Variants in MEGF6 observed in about 807,000 individuals in gnomAD.
MEGF6 encodes multiple EGF like domains 6, also known as multiple epidermal growth factor-like domains protein 6.
Under a neutral mutation model 207.1 loss-of-function variants are expected in MEGF6, and 184 were observed. The observed-to-expected ratio is 0.89, with a 90% CI of 0.79 to 1.00. The LOEUF (loss-of-function observed/expected upper bound fraction) is 1.00, where lower values mean the gene tolerates loss of function less well. MEGF6 is among the 50% of genes least tolerant of loss of function. The probability of loss-of-function intolerance (pLI) is 0.00; values close to 1 mark genes in which losing one functional copy is unlikely to be tolerated. For synonymous variants in MEGF6, 1,038 were observed against 910.0 expected (o/e 1.14, Z -2.53); for missense variants, 2,282 against 2,202.9 (o/e 1.04, Z -0.72).
In MEGF6 at chr1:3,499,172, A is replaced by G; in HGVS notation, c.3060T>C (p.Cys1020=). The change falls in exon 24 of 37, where the codon TGT becomes TGC. Residue 1020 remains cysteine (C), a synonymous_variant. Coordinates refer to ENST00000356575, the MANE Select transcript of MEGF6 (RefSeq NM_001409.4). ...AGGAGGGCCCCATCCAGCCAGGGGC[A>G]CAGTGGCACTGCCCGTGGACAGGGT... ...SCDPVHGQCH[C]APGWMGPSCL... The G allele has an allele frequency of 6.2e-7, 1 of 1,604,584 alleles. No homozygotes were observed. Among genetic ancestry groups the G allele is most frequent in the Non-Finnish European group, 8.5e-7 (1 of 1,176,896 alleles).
At chr1:3,505,393 C>A in intron 16 of MEGF6, 29 bp downstream of exon 16, 2 of 1,599,482 alleles carry the variant, frequency 1.3e-6, no homozygotes, top group African/African-American at 1.3e-5. Context: ...CTGGCGCCCC[C>A]CGCCCCCAGA....
chr1:3,523,079 G>GT (rs1183055863), intron 5 of MEGF6, among the ~76,000 whole-genome samples: 4 of 151,586 alleles, frequency 2.6e-5, no homozygotes, highest in East Asian at 3.9e-4. Context: ...TGTGCCGGGG[G>GT]GGGGGCCCCA....
At chr1:3,511,899 C>G in intron 8 of MEGF6, 107 bp downstream of exon 8, 1 of 1,545,078 alleles carries the variant, frequency 6.5e-7, no homozygotes, top group African/African-American at 1.4e-5. Context: ...AGGGCTGCCC[C>G]TGATTGACAA....
intron 4 of MEGF6, among the ~76,000 whole-genome samples, chr1:3,559,522 TAAAAAAAAAAAAA>T (rs59799522): frequency 2.8e-5 from 3 of 105,530 alleles, no homozygotes; most frequent in Admixed American, 1.1e-4. Flanking sequence ...CCTTGTCTCT[TAAAAAAAAAAAAA>T]AAAAAAAAAA....
chr1:3,609,703 C>T (rs1557434584), intron 1 of MEGF6, among the ~76,000 whole-genome samples: 3 of 152,196 alleles, frequency 2.0e-5, no homozygotes, highest in East Asian at 1.9e-4. Context: ...CCCAGGGTCA[C>T]GAAGGACCTC....
intron 2 of MEGF6, 39 bp downstream of exon 2, chr1:3,602,427 G>C (rs1353320167): frequency 6.2e-7 from 1 of 1,612,372 alleles, no homozygotes; most frequent in African/African-American, 1.3e-5. Context: ...CCCTTTGTGT[G>C]AATGGAGCCC....
intron 28 of MEGF6, 101 bp downstream of exon 28, chr1:3,496,887 C>A: frequency 6.6e-7 from 1 of 1,519,756 alleles, no homozygotes; most frequent in Non-Finnish European, 8.9e-7. Flanking sequence ...CCTCCATCTT[C>A]CACCCCCTCA....
intron 2 of MEGF6, among the ~76,000 whole-genome samples, chr1:3,598,728 CCCCG>C (rs1644112735): frequency 6.5e-5 from 9 of 139,040 alleles, no homozygotes; most frequent in South Asian, 2.3e-4. Context: ...CCCCCCCCCC[CCCCG>C]GGGCCCACTC....
At chr1:3,497,534 C>A in intron 26 of MEGF6, 173 bp from the exon 27 acceptor site, 2 of 947,338 alleles carry the variant, frequency 2.1e-6, no homozygotes, top group South Asian at 3.0e-5. Flanking sequence ...AGGGCAGAGG[C>A]AGGCCCCGGT....
chr1:3,565,264 C>T lies in MEGF6; in HGVS notation c.481+14561G>A, dbSNP rs747427434. 2.6e-5 allele frequency among the ~76,000 whole-genome samples: 4 copies of T among 152,008 alleles called. No homozygotes were observed. The highest frequency in any genetic ancestry group is 3.9e-4 in the East Asian group (2 of 5,166). On this transcript the variant is annotated intron_variant, in intron 4 of 36. Transcript: ENST00000356575. The surrounding 1 kb of genome is among the most constrained non-coding windows in gnomAD (Gnocchi z 4.8). ...CCTCCTTGTTTATCAGACATGGCACCGAGATGGCATCAGCAGTGGGTGAGA... is the reference window on the plus strand; with the variant it reads ...CCTCCTTGTTTATCAGACATGGCACTGAGATGGCATCAGCAGTGGGTGAGA...
intron 4 of MEGF6, among the ~76,000 whole-genome samples, chr1:3,526,504 T>C (rs1317362462): frequency 6.6e-6 from 1 of 151,628 alleles, no homozygotes; most frequent in Non-Finnish European, 1.5e-5. Flanking sequence ...TTCAAGCGGT[T>C]CTCCCTGCCT....
Position 3,488,820 on chromosome 1 carries a change from TC to T in MEGF6, c.*1707del, listed in dbSNP as rs1471576805. 6.6e-6 allele frequency among the ~76,000 whole-genome samples: 1 copy of T among 152,238 alleles called. No homozygotes were observed. The highest frequency in any genetic ancestry group is 2.4e-5 in the African/African-American group (1 of 41,458). On this transcript the variant is annotated 3_prime_UTR_variant, in exon 37 of 37. Coordinates refer to ENST00000356575, the MANE Select transcript of MEGF6 (RefSeq NM_001409.4). ...TCTTATGGCTTTTTTATGTTATTTT[TC>T]CACCTTGTGCATTTCCAGGCTGACT...
At chr1:3,579,215 C>G (rs888472462) in intron 4 of MEGF6, among the ~76,000 whole-genome samples, 1 of 152,240 alleles carries the variant, frequency 6.6e-6, no homozygotes, top group East Asian at 1.9e-4. Context: ...CCAAATGAAT[C>G]AGGACGAGGC....
chr1:3,595,824 T>A (rs1443377177), intron 2 of MEGF6, among the ~76,000 whole-genome samples: 1 of 152,144 alleles, frequency 6.6e-6, no homozygotes, highest in Non-Finnish European at 1.5e-5. Flanking sequence ...TCTGTGAGCA[T>A]CTCGGGGAGT....
At chr1:3,597,970 G>A (rs1046291200) in intron 2 of MEGF6, among the ~76,000 whole-genome samples, 10 of 152,222 alleles carry the variant, frequency 6.6e-5, no homozygotes, top group African/African-American at 2.4e-5. Context: ...TGTGAGCAGC[G>A]GGAGGATGGA....
At chr1:3,511,257 T>C (rs1318399098) in intron 9 of MEGF6, among the ~76,000 whole-genome samples, 1 of 152,152 alleles carries the variant, frequency 6.6e-6, no homozygotes, top group Non-Finnish European at 1.5e-5. Flanking sequence ...TCCAGGACAC[T>C]GGGTCCTTCC....
chr1:3,577,942 T>C lies in MEGF6; in HGVS notation c.481+1883A>G, dbSNP rs77861202. On this transcript the variant is annotated intron_variant, in intron 4 of 36. Coordinates refer to ENST00000356575, the MANE Select transcript of MEGF6 (RefSeq NM_001409.4). The stretch of plus-strand genomic sequence containing the variant: ...CAGGGTGTGCAGCCCGCAGTGAGCC[T>C]CCTGCAAGCCCTGTGCCTGCCGATG... Among the ~76,000 whole-genome samples the C allele has an allele frequency of 7.7e-3, 1,173 of 152,230 alleles. 12 individuals are homozygous for C. The highest frequency in any genetic ancestry group is 0.027 in the African/African-American group (1,129 of 41,516).
chr1:3,488,204 G>A lies in MEGF6; in HGVS notation c.*2324C>T, dbSNP rs1025852944. 6.6e-6 allele frequency among the ~76,000 whole-genome samples: 1 copy of A among 152,188 alleles called. No homozygotes were observed. Among genetic ancestry groups the A allele is most frequent in the Non-Finnish European group, 1.5e-5 (1 of 68,030 alleles). ...TGTAACCGTTAACATTAGGATCTGT[G>A]AGCGTGTTTTCTAGTTATTCTGCTT... On this transcript the variant is annotated 3_prime_UTR_variant, in exon 37 of 37. Transcript: ENST00000356575.
intron 5 of MEGF6, among the ~76,000 whole-genome samples, chr1:3,523,658 C>T (rs959290863): frequency 6.6e-6 from 1 of 152,214 alleles, no homozygotes; most frequent in Admixed American, 6.5e-5. Flanking sequence ...GCAGCCCCTG[C>T]CCTGACCAGG....
Sources: allele counts gnomAD v4.1 joint callset (sites outside exome capture counted in the v4.1 genomes callset), GRCh38; gene constraint gnomAD v4.1.1; non-coding constraint Gnocchi (gnomAD v3.1); transcripts MANE v1.5; gene names NCBI Gene and HGNC (gene_info 2026-07-23, HGNC 2026-07-21).